Variants in PLCB4 observed in about 807,000 individuals in gnomAD.
PLCB4 encodes phospholipase C beta 4, also known as 1-phosphatidylinositol 4,5-bisphosphate phosphodiesterase beta-4.
PLCB4 carries 77 observed loss-of-function variants against 178.8 expected under a neutral mutation model. The ratio of observed to expected loss-of-function variants is 0.43; its 90% CI spans 0.36 to 0.52. The LOEUF is 0.52. Among genes scored for constraint, PLCB4 ranks in the 20% least tolerant of loss-of-function variants. The pLI is 0.00. For synonymous variants in PLCB4, 496 were observed against 490.8 expected, an observed-to-expected ratio of 1.01 and a Z score of -0.14; for missense variants, 1,024 against 1,453.4, an observed-to-expected ratio of 0.70 and a Z score of 4.80.
intron 1 of PLCB4, among the ~76,000 whole-genome samples, chr20:9,074,557 A>T (rs991320494): frequency 2.0e-5 from 3 of 152,218 alleles, no homozygotes; most frequent in African/African-American, 7.2e-5. Context: ...TATAAAATTT[A>T]CAAGGGACAC....
chr20:9,126,529 A>G (rs2092118593), intron 2 of PLCB4, among the ~76,000 whole-genome samples: 1 of 152,204 alleles, frequency 6.6e-6, no homozygotes, highest in Non-Finnish European at 1.5e-5. Flanking sequence ...ACATGTTACC[A>G]TGATAACATA....
chr20:9,148,292 G>C (rs2092633485), intron 2 of PLCB4, among the ~76,000 whole-genome samples: 1 of 152,040 alleles, frequency 6.6e-6, no homozygotes, highest in Admixed American at 6.6e-5. Flanking sequence ...GTTGTGGGGT[G>C]GAAGGGACTG....
chr20:9,419,913 A>G lies in PLCB4; in HGVS notation c.2154+4A>G, dbSNP rs1395535406. The G allele has an allele frequency of 3.2e-6, 5 of 1,568,582 alleles. No homozygotes were observed. The highest frequency in any genetic ancestry group is 4.4e-6 in the Non-Finnish European group (5 of 1,138,304). On this transcript the variant is annotated splice_donor_region_variant and intron_variant, in intron 26 of 39. Transcript: ENST00000378473. ...TGCAGCCACTTGCTCAGTGCAGGTA[A>G]GGCCCCTGCTCATCACAAGGTAGTA...
chr20:9,420,036 A>T, intron 26 of PLCB4, 127 bp downstream of exon 26: 1 of 523,750 alleles, frequency 1.9e-6, no homozygotes, highest in East Asian at 2.9e-5. Context: ...TTAAGATTCC[A>T]CCCCCTTTTT....
rs185528917 is a variant in PLCB4 at position 9,125,523 on chromosome 20, C to T, written c.-79+29181C>T. On this transcript the variant is annotated intron_variant, in intron 2 of 39. Transcript: ENST00000378473. ...ATAACTTGGCAATTTAGATATAACT[C>T]GTAATGAGGGATATTCCTACTAGAC... Among the ~76,000 whole-genome samples the T allele has an allele frequency of 4.9e-3, 738 of 151,714 alleles. 6 individuals are homozygous for T. The highest frequency in any genetic ancestry group is 0.017 in the African/African-American group (702 of 41,370).
chr20:9,152,447 G>T (rs552581239), intron 2 of PLCB4, among the ~76,000 whole-genome samples: 1 of 152,164 alleles, frequency 6.6e-6, no homozygotes, highest in Admixed American at 6.5e-5. Context: ...TCCAGCCATG[G>T]CTGAAAGGGG....
At chr20:9,383,173 G>C (rs2037289027) in intron 13 of PLCB4, among the ~76,000 whole-genome samples, 1 of 152,148 alleles carries the variant, frequency 6.6e-6, no homozygotes, top group Admixed American at 6.6e-5. Flanking sequence ...TATGTAGTAA[G>C]GTTGCAGAAC....
intron 4 of PLCB4, among the ~76,000 whole-genome samples, chr20:9,308,508 T>A (rs575471660): frequency 6.6e-6 from 1 of 152,364 alleles, no homozygotes; most frequent in South Asian, 2.1e-4. Flanking sequence ...ATTTTTCTTC[T>A]GTTGTACTTG....
chr20:9,334,700 G>A (rs2032198481), intron 4 of PLCB4, among the ~76,000 whole-genome samples: 1 of 152,116 alleles, frequency 6.6e-6, no homozygotes, highest in Non-Finnish European at 1.5e-5. Flanking sequence ...GATAAGGATG[G>A]AAGTAAAAGG....
intron 25 of PLCB4, among the ~76,000 whole-genome samples, chr20:9,418,670 T>C (rs2040419356): frequency 1.3e-5 from 2 of 152,162 alleles, no homozygotes; most frequent in Non-Finnish European, 2.9e-5. Context: ...AGTTTCTATA[T>C]GAATTTTAGG....
intron 27 of PLCB4, 41 bp from the exon 28 acceptor site, chr20:9,423,707 C>T (rs1230099559): frequency 1.3e-6 from 2 of 1,511,562 alleles, no homozygotes; most frequent in South Asian, 2.3e-5. Flanking sequence ...TTCTTGGGCG[C>T]TGCATTGGAA....
intron 3 of PLCB4, among the ~76,000 whole-genome samples, chr20:9,246,554 A>G (rs1352247265): frequency 6.6e-6 from 1 of 152,066 alleles, no homozygotes; most frequent in Non-Finnish European, 1.5e-5. Context: ...TACAATTGTC[A>G]TATAGCACTT....
At chr20:9,308,712 G>A (rs984011259) in intron 4 of PLCB4, among the ~76,000 whole-genome samples, 1 of 152,178 alleles carries the variant, frequency 6.6e-6, no homozygotes, top group African/African-American at 2.4e-5. Flanking sequence ...TAGGTCTTCT[G>A]TGAGCTGACA....
chr20:9,096,854 T>C (rs1210607936), intron 2 of PLCB4, among the ~76,000 whole-genome samples: 3 of 152,176 alleles, frequency 2.0e-5, no homozygotes, highest in Non-Finnish European at 4.4e-5. Context: ...CGGTATCTTT[T>C]TGTAATCCAT....
Position 9,292,369 on chromosome 20 carries a change from G to A in PLCB4, c.-15-15431G>A, listed in dbSNP as rs1290367369. The stretch of plus-strand genomic sequence containing the variant: ...GGCAAATGAAGGGCAAAGTACAGAG[G>A]GCTGGGCATAAGAGACAGGAGGACC... On this transcript the variant is annotated intron_variant, in intron 3 of 39. Coordinates refer to ENST00000378473, the MANE Select transcript of PLCB4 (RefSeq NM_001377142.1). Among the ~76,000 whole-genome samples, 4 of 152,130 alleles carry A rather than the reference G, an allele frequency of 2.6e-5. No individual in the cohort carries two copies. In the East Asian group the frequency reaches 7.7e-4, roughly 29 times the overall value.
At chr20:9,419,342 T>C (rs1453266931) in intron 25 of PLCB4, among the ~76,000 whole-genome samples, 1 of 152,316 alleles carries the variant, frequency 6.6e-6, no homozygotes, top group East Asian at 1.9e-4. Flanking sequence ...CTACTATTGT[T>C]ACAGCTGTCT....
chr20:9,316,942 G>A (rs538932661), intron 4 of PLCB4, among the ~76,000 whole-genome samples: 7 of 152,244 alleles, frequency 4.6e-5, no homozygotes, highest in Admixed American at 3.9e-4. Flanking sequence ...TTTAAGGAAA[G>A]GTCTGTATTG....
intron 12 of PLCB4, among the ~76,000 whole-genome samples, chr20:9,373,352 T>C (rs568573413): frequency 1.3e-4 from 20 of 152,210 alleles, no homozygotes; most frequent in Non-Finnish European, 2.6e-4. Context: ...TGGTTCTGTG[T>C]GTATGTGTGA....
At chr20:9,282,851 T>C (rs2094505715) in intron 3 of PLCB4, among the ~76,000 whole-genome samples, 1 of 152,014 alleles carries the variant, frequency 6.6e-6, no homozygotes, top group African/African-American at 2.4e-5. Flanking sequence ...CTGAGACTTC[T>C]ATGTGGCCTC....
Sources: gnomAD v4.1 joint callset for allele counts (sites outside exome capture counted in the v4.1 genomes callset) on GRCh38, gnomAD v4.1.1 for gene constraint, MANE v1.5 for transcripts, NCBI Gene and HGNC (gene_info 2026-07-23, HGNC 2026-07-21) for gene names.